SGCZ: variants seen among roughly 807,000 people sequenced by gnomAD.
SGCZ encodes the protein zeta-sarcoglycan.
SGCZ carries 40 observed loss-of-function variants against 41.3 expected under a neutral mutation model. The observed-to-expected ratio is 0.97, with a 90% CI of 0.75 to 1.26. SGCZ has a LOEUF of 1.26. Among genes scored for constraint, SGCZ ranks in the 50% most tolerant of loss-of-function variants. The pLI is 0.00. For synonymous variants in SGCZ, 206 were observed against 137.5 expected, an observed-to-expected ratio of 1.50 and a Z score of -3.49; for missense variants, 552 against 369.8, an observed-to-expected ratio of 1.49 and a Z score of -4.04.
intron 1 of SGCZ, among the ~76,000 whole-genome samples, chr8:15,117,317 C>T (rs1235695040): frequency 6.6e-6 from 1 of 151,984 alleles, no homozygotes; most frequent in Non-Finnish European, 1.5e-5. Flanking sequence ...CGAGATCACA[C>T]CACTGCACTC....
chr8:14,838,159 T>G (rs1001768866), intron 1 of SGCZ, among the ~76,000 whole-genome samples: 1 of 151,988 alleles, frequency 6.6e-6, no homozygotes, highest in Admixed American at 6.6e-5. Flanking sequence ...TACCAGAAGC[T>G]AGGAAGGGTA....
At chr8:14,253,629 T>C (rs1799362163) in intron 3 of SGCZ, among the ~76,000 whole-genome samples, 1 of 152,114 alleles carries the variant, frequency 6.6e-6, no homozygotes, top group South Asian at 2.1e-4. Flanking sequence ...AAAAGGTATC[T>C]AATGAGAACT....
At chr8:14,569,301 A>C in intron 1 of SGCZ, among the ~76,000 whole-genome samples, 1 of 152,206 alleles carries the variant, frequency 6.6e-6, no homozygotes, top group East Asian at 1.9e-4. Context: ...TTCAGAGTTA[A>C]ATAGCTCCAT....
intron 1 of SGCZ, among the ~76,000 whole-genome samples, chr8:14,609,622 A>G (rs1357998036): frequency 6.6e-6 from 1 of 152,198 alleles, no homozygotes; most frequent in Non-Finnish European, 1.5e-5. Flanking sequence ...GAAAATCAAC[A>G]TTTTTGACAC....
intron 1 of SGCZ, among the ~76,000 whole-genome samples, chr8:14,935,141 C>G (rs1800043117): frequency 6.6e-6 from 1 of 151,074 alleles, no homozygotes; most frequent in Non-Finnish European, 1.5e-5. Context: ...TTTAAACAGG[C>G]TGATTTTGTT....
intron 2 of SGCZ, among the ~76,000 whole-genome samples, chr8:14,519,883 A>G (rs17119609): frequency 0.25 from 37,910 of 152,050 alleles, 4,933 homozygotes; most frequent in East Asian, 0.46. Flanking sequence ...TACACACTTC[A>G]ACCTTAACCT....
intron 1 of SGCZ, among the ~76,000 whole-genome samples, chr8:14,580,209 C>A (rs1804842849): frequency 6.6e-6 from 1 of 152,120 alleles, no homozygotes; most frequent in African/African-American, 2.4e-5. Flanking sequence ...AACAGTAGAA[C>A]AGGAATACAC....
rs1799367785 is a variant in SGCZ at position 14,411,794 on chromosome 8, A to G, written c.235-87590T>C. On this transcript the variant is annotated intron_variant, in intron 2 of 7. Coordinates refer to ENST00000382080, the MANE Select transcript of SGCZ (RefSeq NM_139167.4). ...TCAATAAAACTCACTGACATGTTTC[A>G]TTGAATTCATGACACTTAAAAATGT... 3.9e-5 allele frequency among the ~76,000 whole-genome samples: 6 copies of G among 152,132 alleles called. No homozygotes were observed. The South Asian group carries it at 1.2e-3, about 31-fold the overall frequency.
At chr8:14,180,684 A>C (rs752805464) in intron 4 of SGCZ, among the ~76,000 whole-genome samples, 13 of 152,124 alleles carry the variant, frequency 8.5e-5, no homozygotes, top group Admixed American at 2.6e-4. Context: ...CACACATGGC[A>C]TCACTCCCTA....
At chr8:14,249,855 T>C (rs1416670572) in intron 3 of SGCZ, among the ~76,000 whole-genome samples, 2 of 152,090 alleles carry the variant, frequency 1.3e-5, no homozygotes, top group East Asian at 1.9e-4. Flanking sequence ...CCTTGCAAGA[T>C]GGCAAGATTT....
chr8:14,808,914 G>T (rs1292854099), intron 1 of SGCZ, among the ~76,000 whole-genome samples: 5 of 151,484 alleles, frequency 3.3e-5, no homozygotes, highest in South Asian at 2.1e-4. Flanking sequence ...AAAATGATGA[G>T]TTCATGTCCT....
At chr8:14,924,983 G>A (rs191178461) in intron 1 of SGCZ, among the ~76,000 whole-genome samples, 24 of 150,646 alleles carry the variant, frequency 1.6e-4, no homozygotes, top group Non-Finnish European at 2.5e-4. Context: ...TCAGCCTCCC[G>A]AGTAGCTGCA....
intron 1 of SGCZ, among the ~76,000 whole-genome samples, chr8:14,955,773 T>C (rs781550591): frequency 3.9e-5 from 6 of 152,196 alleles, no homozygotes; most frequent in Non-Finnish European, 7.3e-5. Flanking sequence ...CAAATATCAC[T>C]TTTGAATCAT....
intron 4 of SGCZ, among the ~76,000 whole-genome samples, chr8:14,229,538 G>C (rs143381054): frequency 1.3e-5 from 2 of 151,948 alleles, no homozygotes; most frequent in African/African-American, 4.8e-5. Flanking sequence ...TGTATATGTA[G>C]TATTAAACCT....
chr8:14,999,894 T>G (rs561506672), intron 1 of SGCZ, among the ~76,000 whole-genome samples: 1 of 152,206 alleles, frequency 6.6e-6, no homozygotes, highest in Non-Finnish European at 1.5e-5. Flanking sequence ...TGGGATAACG[T>G]GTGAACAAGG....
chr8:15,237,252 G>GCCCCCCCC (rs57656728), intron 1 of SGCZ, among the ~76,000 whole-genome samples: 3 of 149,912 alleles, frequency 2.0e-5, no homozygotes, highest in African/African-American at 7.5e-5. Context: ...TGGTGCCGCT[G>GCCCCCCCC]CCCCCCCCGG....
At chr8:14,731,065 A>C (rs1459211210) in intron 1 of SGCZ, among the ~76,000 whole-genome samples, 2 of 151,854 alleles carry the variant, frequency 1.3e-5, no homozygotes, top group Admixed American at 1.3e-4. Flanking sequence ...AAATAATTCT[A>C]CCATAAACAC....
chr8:14,409,738 TAAATA>T (rs1799309813), intron 2 of SGCZ, among the ~76,000 whole-genome samples: 1 of 152,156 alleles, frequency 6.6e-6, no homozygotes, highest in Non-Finnish European at 1.5e-5. Flanking sequence ...CTTGTAGTCT[TAAATA>T]AATAAAATCT....
intron 1 of SGCZ, among the ~76,000 whole-genome samples, chr8:14,731,059 A>C (rs2264855): frequency 1 from 151,394 of 151,836 alleles, 75,490 homozygotes; most frequent in Middle Eastern, 1. Flanking sequence ...GATGATAAAT[A>C]ATTCTACCAT....
Sources: allele counts gnomAD v4.1 joint callset (sites outside exome capture counted in the v4.1 genomes callset), GRCh38; gene constraint gnomAD v4.1.1; transcripts MANE v1.5; gene names NCBI Gene and HGNC (gene_info 2026-07-23, HGNC 2026-07-21).